Variants in NFKB1 observed in about 807,000 individuals in gnomAD.
The protein encoded by NFKB1 is nuclear factor NF-kappa-B p105 subunit.
NFKB1 carries 9 observed loss-of-function variants against 105.1 expected under a neutral mutation model. The ratio of observed to expected loss-of-function variants is 0.09; its 90% CI spans 0.05 to 0.15. The LOEUF (loss-of-function observed/expected upper bound fraction) is 0.15, where lower values mean the gene tolerates loss of function less well. Among genes scored for constraint, NFKB1 ranks in the 10% least tolerant of loss-of-function variants. The pLI is 1.00. For synonymous variants in NFKB1, 440 were observed against 442.2 expected, an observed-to-expected ratio of 1.00 and a Z score of 0.06; for missense variants, 830 against 1,203.7, an observed-to-expected ratio of 0.69 and a Z score of 4.59.
chr4:102,567,070 G>A lies in NFKB1; in HGVS notation c.342G>A (p.Leu114=). ...ATATCCACCTGCATGCCCACAGCCTGGTGGGAAAACACTGTGAGGATGGGA... is the reference window on the plus strand; with the variant it reads ...ATATCCACCTGCATGCCCACAGCCTAGTGGGAAAACACTGTGAGGATGGGA... The part of the protein sequence containing the change: ...GKNIHLHAHS[L]VGKHCEDGIC... The change falls in exon 6 of 24, where the codon CTG becomes CTA. Residue 114 remains leucine, a synonymous_variant. Transcript: ENST00000226574. 1 of 1,613,996 alleles carries A rather than the reference G, an allele frequency of 6.2e-7. No individual in the cohort carries two copies. Among genetic ancestry groups the A allele is most frequent in the Non-Finnish European group, 8.5e-7 (1 of 1,179,886 alleles).
chr4:102,547,180 A>G (rs1371330918), intron 5 of NFKB1, among the ~76,000 whole-genome samples: 1 of 152,214 alleles, frequency 6.6e-6, no homozygotes, highest in Non-Finnish European at 1.5e-5. Flanking sequence ...TAAATACAAA[A>G]TAAGTTTGGA....
Position 102,593,377 on chromosome 4 carries a change from G to A in NFKB1, c.1067-48G>A, listed in dbSNP as rs1052449498. On this transcript the variant is annotated intron_variant, in intron 11 of 23. Transcript: ENST00000226574. ...AGTGGTCTTTCTGTGGCTAGTGGTG[G>A]GACCAAATCAATCTTTTCTCCTCTG... 3 of 1,540,010 alleles carry A rather than the reference G, an allele frequency of 1.9e-6. No homozygotes were observed. In the East Asian group the frequency reaches 6.9e-5, roughly 36 times the overall value.
rs1726732499 is a variant in NFKB1, at chr4:102,597,552, G to A, written c.1528G>A (p.Ala510Thr). The A allele has an allele frequency of 6.2e-7, 1 of 1,613,534 alleles. No homozygotes were observed. The highest frequency in any genetic ancestry group is 1.1e-5 in the South Asian group (1 of 90,880). ...CTTTCTAGAGAAGGCTATGCAGCTT[G>A]CAAAGAGGCATGCCAATGCCCTTTT... Reference protein sequence around the residue: ...NLFLEKAMQLAKRHANALFDY... With the variant: ...NLFLEKAMQLTKRHANALFDY... The change falls in exon 15 of 24, where the codon GCA becomes ACA. Residue 510 changes from alanine to threonine, a missense_variant. Transcript: ENST00000226574.
rs1312018559 is a variant in NFKB1 at position 102,582,857 on chromosome 4, T to C, written c.836-9T>C. 6.3e-7 allele frequency: 1 copy of C among 1,588,110 alleles called. No individual in the cohort carries two copies. Among genetic ancestry groups the C allele is most frequent in the Admixed American group, 1.7e-5 (1 of 59,876 alleles). On this transcript the variant is annotated splice_polypyrimidine_tract_variant and intron_variant, in intron 9 of 23. Coordinates refer to ENST00000226574, the MANE Select transcript of NFKB1 (RefSeq NM_003998.4). ...GTGAAATTACACACTTCAATGTGAT[T>C]GTTTGCAGATGACATCCAGATTCGA...
intron 10 of NFKB1, among the ~76,000 whole-genome samples, chr4:102,583,521 C>T (rs1243483754): frequency 6.6e-6 from 1 of 152,152 alleles, no homozygotes; most frequent in African/African-American, 2.4e-5. Flanking sequence ...CAGTGCCCCA[C>T]AGGTCCTTTA....
Position 102,597,668 on chromosome 4 carries a change from C to T in NFKB1, c.1637+7C>T. The T allele has an allele frequency of 6.2e-7, 1 of 1,607,378 alleles. No individual in the cohort carries two copies. Among genetic ancestry groups the T allele is most frequent in the Non-Finnish European group, 8.5e-7 (1 of 1,175,788 alleles). Reference sequence around the variant, plus strand: ...AGGATGAGAATGGGGACAGGTAAGTCAGAACTTTTGCATGATAGGTTGTCC... The same window carrying T: ...AGGATGAGAATGGGGACAGGTAAGTTAGAACTTTTGCATGATAGGTTGTCC... On this transcript the variant is annotated splice_region_variant and intron_variant, in intron 15 of 23. Transcript: ENST00000226574.
chr4:102,523,890 T>C (rs989013976), intron 1 of NFKB1, among the ~76,000 whole-genome samples: 1 of 152,162 alleles, frequency 6.6e-6, no homozygotes, highest in African/African-American at 2.4e-5. Flanking sequence ...TCCAACGAAG[T>C]GTAGGGTATA....
intron 5 of NFKB1, among the ~76,000 whole-genome samples, chr4:102,547,409 TG>T: frequency 6.6e-6 from 1 of 152,258 alleles, no homozygotes; most frequent in South Asian, 2.1e-4. Context: ...TTTCTAGGTC[TG>T]GGGTGAGGTT....
In NFKB1 at chr4:102,574,986, C is replaced by T. The variant is rs17032830; in HGVS notation, c.408-1890C>T. 4.1e-3 allele frequency among the ~76,000 whole-genome samples: 631 copies of T among 152,250 alleles called. 6 individuals carry two copies. The highest frequency in any genetic ancestry group is 0.015 in the African/African-American group (612 of 41,550). ...ATTGCTATTACAAAGGAGATAACCC[C>T]GTTTTCCTGCAGTTAGGGAAGTTCT... is the stretch of plus-strand genomic sequence containing the variant. On this transcript the variant is annotated intron_variant, in intron 6 of 23. Transcript: ENST00000226574.
chr4:102,607,831 CCTT>C, intron 19 of NFKB1, 80 bp downstream of exon 19: 1 of 1,252,808 alleles, frequency 8.0e-7, no homozygotes, highest in Non-Finnish European at 1.2e-6. Flanking sequence ...AGTCATGTTG[CCTT>C]CTTTAAGCCA....
In NFKB1 at chr4:102,507,965, T is replaced by G. The variant is rs187424709; in HGVS notation, c.-8+6177T>G. 1.7e-4 allele frequency among the ~76,000 whole-genome samples: 26 copies of G among 152,328 alleles called. No homozygotes were observed. In the East Asian group the frequency reaches 4.8e-3, roughly 28 times the overall value. On this transcript the variant is annotated intron_variant, in intron 1 of 23. Coordinates refer to ENST00000226574, the MANE Select transcript of NFKB1 (RefSeq NM_003998.4). ...TATTTATTGGTTCTAAGCCCAAGCC[T>G]GCAGTTCATTTAAATAGTGAAAATA... is the stretch of plus-strand genomic sequence containing the variant.
intron 16 of NFKB1, among the ~76,000 whole-genome samples, chr4:102,603,444 G>T (rs1727390612): frequency 6.6e-6 from 1 of 151,974 alleles, no homozygotes; most frequent in African/African-American, 2.4e-5. Flanking sequence ...AGACTCTCCA[G>T]TGTGTTAGAG....
chr4:102,561,265 CTTTTT>C (rs551312422), intron 5 of NFKB1, among the ~76,000 whole-genome samples: 280 of 138,296 alleles, frequency 2.0e-3, no homozygotes, highest in African/African-American at 6.9e-3. Context: ...TCTTTCTTTC[CTTTTT>C]TTTTTTTTTT....
intron 8 of NFKB1, among the ~76,000 whole-genome samples, chr4:102,579,665 G>GTA (rs1471035949): frequency 1.3e-4 from 19 of 145,568 alleles, no homozygotes; most frequent in African/African-American, 2.5e-4. Flanking sequence ...ATATATATAT[G>GTA]TATATATATA....
intron 6 of NFKB1, among the ~76,000 whole-genome samples, chr4:102,571,240 T>TC (rs1724326143): frequency 6.6e-6 from 1 of 152,142 alleles, no homozygotes; most frequent in Admixed American, 6.5e-5. Flanking sequence ...GGGAAAGGAT[T>TC]CCTATTTAAT....
At chr4:102,531,740 A>C (rs1741306181) in intron 3 of NFKB1, among the ~76,000 whole-genome samples, 1 of 152,190 alleles carries the variant, frequency 6.6e-6, no homozygotes, top group African/African-American at 2.4e-5. Context: ...AAAGAGGAAA[A>C]ATGGCTCTAT....
chr4:102,583,511 C>G (rs1725474980), intron 10 of NFKB1, among the ~76,000 whole-genome samples: 1 of 152,152 alleles, frequency 6.6e-6, no homozygotes, highest in Non-Finnish European at 1.5e-5. Flanking sequence ...ACCCATAAGA[C>G]AGTGCCCCAC....
chr4:102,602,665 A>G (rs1389545360), intron 16 of NFKB1, among the ~76,000 whole-genome samples: 3 of 152,162 alleles, frequency 2.0e-5, no homozygotes, highest in African/African-American at 7.2e-5. Context: ...ATAGGGGAAA[A>G]TGACCATTTT....
In NFKB1 at chr4:102,597,079, G is replaced by A. The variant is rs553967517; in HGVS notation, c.1496-441G>A. Reference sequence around the variant, plus strand: ...CAAAAACGTGAGTGGCTCATTGAACGTCTCTGTTTATGGCAGAGATGTGTG... The same window carrying A: ...CAAAAACGTGAGTGGCTCATTGAACATCTCTGTTTATGGCAGAGATGTGTG... On this transcript the variant is annotated intron_variant, in intron 14 of 23. Coordinates refer to ENST00000226574, the MANE Select transcript of NFKB1 (RefSeq NM_003998.4). Among the ~76,000 whole-genome samples the A allele has an allele frequency of 4.6e-5, 7 of 152,194 alleles. No individual in the cohort carries two copies. In the South Asian group the frequency reaches 1.0e-3, roughly 23 times the overall value.
Sources: allele counts gnomAD v4.1 joint callset (sites outside exome capture counted in the v4.1 genomes callset), GRCh38; gene constraint gnomAD v4.1.1; transcripts MANE v1.5; gene names NCBI Gene and HGNC (gene_info 2026-07-23, HGNC 2026-07-21).